The following EYS variants were observed in gnomAD, a reference collection of about 807,000 sequenced individuals.
EYS encodes the protein protein eyes shut homolog.
A neutral mutation model predicts 282.1 loss-of-function variants in EYS; 250 were observed. That is an observed-to-expected ratio of 0.89 (90% confidence interval 0.80 to 0.98). The LOEUF (loss-of-function observed/expected upper bound fraction) is 0.98, where lower values mean the gene tolerates loss of function less well. EYS is among the 50% of genes least tolerant of loss of function. The pLI, the probability that EYS is intolerant of heterozygous loss-of-function variation, is 0.00. For missense variants in EYS, 4,016 were observed against 3,709.0 expected, an observed-to-expected ratio of 1.08 and a Z score of -2.15; for synonymous variants, 1,355 against 1,282.9, an observed-to-expected ratio of 1.06 and a Z score of -1.20.
intron 2 of EYS, among the ~76,000 whole-genome samples, chr6:65,559,435 A>T (rs1476759484): frequency 6.6e-6 from 1 of 152,160 alleles, no homozygotes; most frequent in African/African-American, 2.4e-5. Context: ...GGCTACTCCC[A>T]ATAGATTTTG....
chr6:64,745,932 G>A (rs1772542820), intron 22 of EYS, among the ~76,000 whole-genome samples: 1 of 152,054 alleles, frequency 6.6e-6, no homozygotes, highest in African/African-American at 2.4e-5. Flanking sequence ...CATATCCTTA[G>A]GAAGTCCTTG....
intron 19 of EYS, among the ~76,000 whole-genome samples, chr6:64,878,182 A>T (rs889384804): frequency 1.1e-4 from 16 of 152,062 alleles, no homozygotes; most frequent in Non-Finnish European, 2.4e-4. Context: ...CAGAGATTGC[A>T]CCACTGCACT....
intron 22 of EYS, among the ~76,000 whole-genome samples, chr6:64,777,148 C>T (rs1323581260): frequency 6.6e-6 from 1 of 152,162 alleles, no homozygotes; most frequent in Non-Finnish European, 1.5e-5. Context: ...CAATTACATT[C>T]AAGAACTACA....
chr6:64,130,892 G>T (rs1392070308), intron 31 of EYS, among the ~76,000 whole-genome samples: 2 of 152,128 alleles, frequency 1.3e-5, no homozygotes, highest in Non-Finnish European at 2.9e-5. Flanking sequence ...TTTTGAGAAG[G>T]AGTCTCGCTC....
Position 65,053,786 on chromosome 6 carries a change from G to T in EYS, c.2137+3828C>A, listed in dbSNP as rs550235310. ...GAGGCACAAAACAGGTAAAGGCCTG[G>T]ATATTCTCCCACAGGACATATTTTG... On this transcript the variant is annotated intron_variant, in intron 13 of 42. Transcript: ENST00000503581. Among the ~76,000 whole-genome samples the T allele has an allele frequency of 9.2e-5, 14 of 151,972 alleles. 1 individual carries two copies. The South Asian group carries it at 2.9e-3, about 31-fold the overall frequency.
At chr6:65,657,123 G>A (rs1767856632) in intron 1 of EYS, among the ~76,000 whole-genome samples, 1 of 151,736 alleles carries the variant, frequency 6.6e-6, no homozygotes, top group African/African-American at 2.4e-5. Flanking sequence ...TACTGCTCAG[G>A]AAAAGATTTG....
chr6:64,117,025 A>C (rs1214975239), intron 31 of EYS, among the ~76,000 whole-genome samples: 1 of 152,112 alleles, frequency 6.6e-6, no homozygotes, highest in Non-Finnish European at 1.5e-5. Flanking sequence ...ACAGAAAATC[A>C]ATAAGGAAAA....
chr6:65,451,852 T>G (rs1487594109), intron 5 of EYS, among the ~76,000 whole-genome samples: 1 of 151,950 alleles, frequency 6.6e-6, no homozygotes, highest in Non-Finnish European at 1.5e-5. Flanking sequence ...AATTAAAGTG[T>G]CTAATTTTTT....
At chr6:64,420,560 T>G (rs1774198382) in intron 28 of EYS, among the ~76,000 whole-genome samples, 1 of 152,216 alleles carries the variant, frequency 6.6e-6, no homozygotes, top group African/African-American at 2.4e-5. Context: ...GCTTACACCC[T>G]CTGAAGCCAC....
At chr6:64,615,480 G>A (rs1767244032) in intron 24 of EYS, among the ~76,000 whole-genome samples, 1 of 151,880 alleles carries the variant, frequency 6.6e-6, no homozygotes, top group African/African-American at 2.4e-5. Context: ...TTGATTTTCT[G>A]ATAATTCAGC....
At position 63,804,394 on chromosome 6, in the gene EYS, C is replaced by T. The variant is rs1454087018; in HGVS notation, c.7411+1796G>A. Among the ~76,000 whole-genome samples, 6 of 152,182 alleles carry T rather than the reference C, an allele frequency of 3.9e-5. No homozygotes were observed. The East Asian group carries it at 1.2e-3, about 29-fold the overall frequency. ...AACGCTGTAAGGAAATACACTGTTA[C>T]TATACTCATTTGATAGGTTAGAAAA... On this transcript the variant is annotated intron_variant, in intron 37 of 42. Coordinates refer to ENST00000503581, the MANE Select transcript of EYS (RefSeq NM_001142800.2).
intron 26 of EYS, among the ~76,000 whole-genome samples, chr6:64,539,270 A>T (rs752214394): frequency 2.5e-4 from 38 of 152,312 alleles, no homozygotes; most frequent in Non-Finnish European, 5.3e-4. Flanking sequence ...CACAGGTTTT[A>T]AAAGTAGACT....
chr6:64,827,532 T>C (rs1022256277), intron 19 of EYS, among the ~76,000 whole-genome samples: 2 of 151,900 alleles, frequency 1.3e-5, no homozygotes, highest in Non-Finnish European at 2.9e-5. Context: ...TAAATTGTGA[T>C]AACATTTTGA....
chr6:65,051,381 T>C (rs1773263927), intron 13 of EYS, among the ~76,000 whole-genome samples: 2 of 151,592 alleles, frequency 1.3e-5, no homozygotes, highest in East Asian at 1.9e-4. Context: ...TTGATGCCAG[T>C]AAATTCACAT....
chr6:64,888,748 A>G (rs1263856313), intron 18 of EYS, among the ~76,000 whole-genome samples: 2 of 152,024 alleles, frequency 1.3e-5, no homozygotes, highest in African/African-American at 2.4e-5. Context: ...AATGTAATGA[A>G]TCTGCTAAAT....
At chr6:64,999,284 T>C (rs528785064) in intron 13 of EYS, among the ~76,000 whole-genome samples, 7 of 152,362 alleles carry the variant, frequency 4.6e-5, no homozygotes, top group African/African-American at 1.7e-4. Flanking sequence ...GTTTTTCTCA[T>C]ATGTAATTTG....
chr6:65,531,451 A>G (rs577551601), intron 2 of EYS, among the ~76,000 whole-genome samples: 1 of 152,326 alleles, frequency 6.6e-6, no homozygotes, highest in African/African-American at 2.4e-5. Context: ...GAGGCAAGAA[A>G]GAAGATACAG....
intron 1 of EYS, among the ~76,000 whole-genome samples, chr6:65,705,197 C>A (rs914956299): frequency 1.3e-5 from 2 of 152,142 alleles, no homozygotes; most frequent in Admixed American, 6.5e-5. Flanking sequence ...GTGGTTAGCT[C>A]CTGACAACTT....
intron 33 of EYS, among the ~76,000 whole-genome samples, chr6:64,027,522 G>A (rs1198665057): frequency 6.6e-6 from 1 of 152,150 alleles, no homozygotes; most frequent in African/African-American, 2.4e-5. Context: ...AAGAGGAACA[G>A]GCCCGAAAGG....
Sources: allele counts gnomAD v4.1 joint callset (sites outside exome capture counted in the v4.1 genomes callset), GRCh38; gene constraint gnomAD v4.1.1; transcripts MANE v1.5; gene names NCBI Gene and HGNC (gene_info 2026-07-23, HGNC 2026-07-21).